Variants in SRPK2 observed in about 807,000 individuals in gnomAD.
The protein encoded by SRPK2 is SRSF protein kinase 2.
A neutral mutation model predicts 90.8 loss-of-function variants in SRPK2; 21 were observed. The ratio of observed to expected loss-of-function variants is 0.23; its 90% CI spans 0.16 to 0.33. The LOEUF is 0.33. Among genes scored for constraint, SRPK2 ranks in the 10% least tolerant of loss-of-function variants. The pLI, the probability that SRPK2 is intolerant of heterozygous loss-of-function variation, is 1.00. For missense variants in SRPK2, 620 were observed against 869.0 expected (o/e 0.71, Z 3.60); for synonymous variants, 288 against 311.1 (o/e 0.93, Z 0.78).
chr7:105,301,529 A>T (rs1810556578), intron 2 of SRPK2: 1 of 1,503,838 alleles, frequency 6.6e-7, no homozygotes, highest in African/African-American at 1.4e-5. Context: ...ACGAGTGCCA[A>T]CGAGGACCAG....
At chr7:105,175,365 A>T (rs532509213) in intron 3 of SRPK2, among the ~76,000 whole-genome samples, 2 of 121,020 alleles carry the variant, frequency 1.7e-5, no homozygotes, top group South Asian at 5.9e-4. Context: ...GAATCTATGA[A>T]ATGCTGTTAA....
At chr7:105,238,048 T>C (rs777917390) in intron 2 of SRPK2, among the ~76,000 whole-genome samples, 2 of 152,252 alleles carry the variant, frequency 1.3e-5, no homozygotes, top group Non-Finnish European at 1.5e-5. Context: ...AAATAACTAT[T>C]CCATACTCCC....
chr7:105,334,154 T>C (rs1357421775), intron 2 of SRPK2, among the ~76,000 whole-genome samples: 1 of 152,192 alleles, frequency 6.6e-6, no homozygotes, highest in Admixed American at 6.5e-5. Context: ...CAATCTCGGC[T>C]CACCATAACC....
intron 2 of SRPK2, among the ~76,000 whole-genome samples, chr7:105,226,850 T>C (rs554247631): frequency 6.6e-6 from 1 of 151,988 alleles, no homozygotes; most frequent in East Asian, 1.9e-4. Flanking sequence ...ATAGAAAAAT[T>C]AGCCAGGCTT....
At chr7:105,140,119 AG>A (rs1803491205) in intron 11 of SRPK2, among the ~76,000 whole-genome samples, 1 of 152,120 alleles carries the variant, frequency 6.6e-6, no homozygotes, top group African/African-American at 2.4e-5. Context: ...AGTAATGACA[AG>A]GGGGGAAAAA....
intron 2 of SRPK2, among the ~76,000 whole-genome samples, chr7:105,301,317 G>A (rs544409740): frequency 1.3e-5 from 2 of 151,106 alleles, no homozygotes; most frequent in East Asian, 1.9e-4. Context: ...GCGGCTCCGG[G>A]TCCGAGCCCA....
chr7:105,152,807 G>C (rs1805902435), intron 7 of SRPK2, among the ~76,000 whole-genome samples: 1 of 152,112 alleles, frequency 6.6e-6, no homozygotes, highest in African/African-American at 2.4e-5. Context: ...AGGCCGAAAT[G>C]GGCGGATCAC....
intron 2 of SRPK2, among the ~76,000 whole-genome samples, chr7:105,260,156 C>G (rs938046963): frequency 1.3e-5 from 2 of 152,156 alleles, no homozygotes; most frequent in African/African-American, 2.4e-5. Context: ...GGGCTAATAT[C>G]CAGAATCTAC....
intron 2 of SRPK2, among the ~76,000 whole-genome samples, chr7:105,273,388 G>A (rs1041219365): frequency 2.0e-5 from 3 of 151,068 alleles, no homozygotes; most frequent in Non-Finnish European, 4.4e-5. Flanking sequence ...CCGTTCAGTC[G>A]TCTCCCTTGT....
intron 2 of SRPK2, among the ~76,000 whole-genome samples, chr7:105,322,155 C>G (rs921823879): frequency 2.6e-5 from 4 of 152,190 alleles, no homozygotes; most frequent in African/African-American, 9.7e-5. Flanking sequence ...TGGCTCACAG[C>G]TGTAATCCCA....
intron 2 of SRPK2, among the ~76,000 whole-genome samples, chr7:105,339,249 C>A (rs1585779188): frequency 6.6e-6 from 1 of 152,120 alleles, no homozygotes; most frequent in Non-Finnish European, 1.5e-5. Context: ...AAAATACATG[C>A]CCTCAGGAAT....
At chr7:105,392,366 A>G (rs997403623), upstream of SRPK2, among the ~76,000 whole-genome samples, 1 of 152,226 alleles carries the variant, frequency 6.6e-6, no homozygotes, top group African/African-American at 2.4e-5. Context: ...ATTTCACTTC[A>G]AAACAAAACA....
intron 2 of SRPK2, among the ~76,000 whole-genome samples, chr7:105,275,677 T>C (rs182806249): frequency 3.3e-5 from 5 of 152,224 alleles, no homozygotes; most frequent in Admixed American, 3.3e-4. Context: ...CCTGGAACCC[T>C]GATGAGGAGT....
At chr7:105,230,365 T>C (rs779576709) in intron 2 of SRPK2, among the ~76,000 whole-genome samples, 10 of 152,180 alleles carry the variant, frequency 6.6e-5, no homozygotes, top group Middle Eastern at 3.4e-3. Flanking sequence ...ATAATGAATG[T>C]AGCTGCAAAG....
intron 2 of SRPK2, among the ~76,000 whole-genome samples, chr7:105,269,241 G>A (rs571534301): frequency 1.3e-5 from 2 of 151,974 alleles, no homozygotes; most frequent in Non-Finnish European, 2.9e-5. Context: ...AGAAGCCTGG[G>A]TAATCACGTC....
At chr7:105,247,219 T>A (rs1198581596) in intron 2 of SRPK2, among the ~76,000 whole-genome samples, 1 of 152,198 alleles carries the variant, frequency 6.6e-6, no homozygotes. Context: ...CTCTATATAC[T>A]AACTAAGTCC....
At position 105,258,097 on chromosome 7, in the gene SRPK2, C is replaced by T. The variant is rs149229642; in HGVS notation, c.72-54312G>A. ...CCATCCTGGGTGACAGAGCAAGACTCCATCTCCAAAAACAAAAAAAAAAGG... is the reference window on the plus strand; with the variant it reads ...CCATCCTGGGTGACAGAGCAAGACTTCATCTCCAAAAACAAAAAAAAAAGG... On this transcript the variant is annotated intron_variant, in intron 2 of 15. Coordinates refer to ENST00000393651, the MANE Select transcript of SRPK2 (RefSeq NM_182692.3). Among the ~76,000 whole-genome samples, 1,287 of 141,038 alleles carry T rather than the reference C, an allele frequency of 9.1e-3. 9 individuals are homozygous for T. The highest frequency in any genetic ancestry group is 0.027 in the Middle Eastern group (7 of 264). The allele number at this position is 141,038 out of a possible 152,430, so 92.5% of individuals were successfully genotyped here.
rs566478716 is a variant in SRPK2, at chr7:105,227,893, CAAAAA to C, written c.72-24113_72-24109del. On this transcript the variant is annotated intron_variant, in intron 2 of 15. Coordinates refer to ENST00000393651, the MANE Select transcript of SRPK2 (RefSeq NM_182692.3). Reference sequence around the variant, plus strand: ...ATCCACAAAACAGAGTATCATTCAGCAAAAAAAAAAAAAAAAAAAAAAGTAACTAA... The same window carrying C: ...ATCCACAAAACAGAGTATCATTCAGCAAAAAAAAAAAAAAAAAGTAACTAA... Among the ~76,000 whole-genome samples the C allele has an allele frequency of 3.8e-3, 321 of 84,694 alleles. 1 individual carries two copies. Among genetic ancestry groups the C allele is most frequent in the African/African-American group, 0.012 (307 of 24,802 alleles). 55.6% of individuals were successfully genotyped at this position (84,694 alleles called of 152,430 possible).
At chr7:105,309,487 T>C (rs894742193) in intron 2 of SRPK2, among the ~76,000 whole-genome samples, 1 of 152,220 alleles carries the variant, frequency 6.6e-6, no homozygotes, top group African/African-American at 2.4e-5. Context: ...CACATACACA[T>C]GAGTATCTGC....
Sources: allele counts gnomAD v4.1 joint callset (sites outside exome capture counted in the v4.1 genomes callset), GRCh38; gene constraint gnomAD v4.1.1; transcripts MANE v1.5; gene names NCBI Gene and HGNC (gene_info 2026-07-23, HGNC 2026-07-21).